Variants in CENPK observed in about 807,000 individuals in gnomAD.
The protein encoded by CENPK is centromere protein K, also known as SoxLZ/Sox6-binding protein Solt.
CENPK carries 46 observed loss-of-function variants against 40.9 expected under a neutral mutation model. The observed-to-expected ratio is 1.13, with a 90% CI of 0.89 to 1.44. The LOEUF is 1.44. Ranked by LOEUF, CENPK falls within the 40% of genes most tolerant of loss-of-function variation. The pLI, the probability that CENPK is intolerant of heterozygous loss-of-function variation, is 0.00. For missense variants in CENPK, 288 were observed against 303.5 expected (o/e 0.95, Z 0.38); for synonymous variants, 107 against 104.4 (o/e 1.02, Z -0.15).
intron 6 of CENPK, among the ~76,000 whole-genome samples, chr5:65,535,740 CAAGAG>C (rs1220639510): frequency 1.3e-5 from 2 of 152,156 alleles, no homozygotes; most frequent in African/African-American, 4.8e-5. Context: ...AAGCTGCAAC[CAAGAG>C]AACAGCAGTT....
the CENPK span, among the ~76,000 whole-genome samples, chr5:65,496,279 C>CAT: frequency 9.2e-6 from 1 of 108,330 alleles, no homozygotes; most frequent in Non-Finnish European, 2.1e-5. Flanking sequence ...AAACAAAACA[C>CAT]TTATACTCTT....
chr5:65,516,131 T>C (rs1029869866), downstream of CENPK, among the ~76,000 whole-genome samples: 23 of 152,306 alleles, frequency 1.5e-4, 1 homozygote, highest in Non-Finnish European at 1.0e-4. Flanking sequence ...GGGTTAGGGC[T>C]TCAACATATA....
intron 6 of CENPK, among the ~76,000 whole-genome samples, chr5:65,537,127 T>C (rs1425632408): frequency 6.6e-6 from 1 of 152,156 alleles, no homozygotes; most frequent in South Asian, 2.1e-4. Flanking sequence ...TTAAAAAAAG[T>C]TGGAACTTTG....
intron 5 of CENPK, 73 bp from the exon 6 acceptor site, chr5:65,542,921 G>C (rs1042606310): frequency 5.3e-6 from 7 of 1,324,792 alleles, no homozygotes; most frequent in Non-Finnish European, 6.3e-6. Flanking sequence ...TTAATTTTGC[G>C]GTTTTCTAAG....
intron 6 of CENPK, among the ~76,000 whole-genome samples, chr5:65,530,799 A>C (rs1361710734): frequency 1.3e-5 from 2 of 152,218 alleles, no homozygotes; most frequent in East Asian, 3.9e-4. Flanking sequence ...AGTCCCAGCT[A>C]CTTGGAAGGC....
intron 9 of CENPK, among the ~76,000 whole-genome samples, chr5:65,526,240 G>A (rs72762427): frequency 0.19 from 29,024 of 151,820 alleles, 3,413 homozygotes; most frequent in South Asian, 0.32. Context: ...GAGGAGACTG[G>A]GACCAGAAAA....
At chr5:65,498,322 G>GT in the CENPK span, among the ~76,000 whole-genome samples, 2 of 151,922 alleles carry the variant, frequency 1.3e-5, no homozygotes, top group Admixed American at 6.6e-5. Flanking sequence ...CTTTATATAT[G>GT]TTTTTTGTAC....
intron 9 of CENPK, among the ~76,000 whole-genome samples, chr5:65,522,333 A>T (rs1444234088): frequency 6.6e-6 from 1 of 152,188 alleles, no homozygotes; most frequent in African/African-American, 2.4e-5. Context: ...TTCCAATTCT[A>T]CCCAAGAGTT....
chr5:65,541,410 G>A (rs998605859), intron 6 of CENPK: 3 of 456,164 alleles, frequency 6.6e-6, no homozygotes, highest in African/African-American at 6.0e-5. Flanking sequence ...CAACTGGTTT[G>A]TAGGAGAGAA....
At chr5:65,500,844 G>C in the CENPK span, among the ~76,000 whole-genome samples, 2 of 151,472 alleles carry the variant, frequency 1.3e-5, no homozygotes, top group Non-Finnish European at 2.9e-5. Context: ...TGTATTTTTT[G>C]TATTTTCAGT....
chr5:65,533,641 T>C (rs1434863169), intron 6 of CENPK, among the ~76,000 whole-genome samples: 1 of 152,138 alleles, frequency 6.6e-6, no homozygotes, highest in Non-Finnish European at 1.5e-5. Flanking sequence ...TAAAACTGTG[T>C]TTGATCTCAG....
chr5:65,542,874 T>C (rs1561665574), intron 5 of CENPK, 26 bp from the exon 6 acceptor site: 1 of 1,583,566 alleles, frequency 6.3e-7, no homozygotes, highest in Non-Finnish European at 8.6e-7. Context: ...AAAACAAAGT[T>C]ACACATATAT....
the CENPK span, among the ~76,000 whole-genome samples, chr5:65,497,398 C>G: frequency 6.6e-6 from 1 of 151,916 alleles, no homozygotes; most frequent in Admixed American, 6.6e-5. Context: ...TAGTTCCTCA[C>G]GGGCTGTTAG....
At chr5:65,548,418 G>C (rs1364989812) in intron 5 of CENPK, among the ~76,000 whole-genome samples, 1 of 152,140 alleles carries the variant, frequency 6.6e-6, no homozygotes, top group Non-Finnish European at 1.5e-5. Flanking sequence ...GTTAATGGCT[G>C]ATGACTGATC....
At chr5:65,505,703 C>T in the CENPK span, among the ~76,000 whole-genome samples, 1 of 152,218 alleles carries the variant, frequency 6.6e-6, no homozygotes, top group Non-Finnish European at 1.5e-5. Context: ...GCTTTTTTAT[C>T]CTGCACAGCA....
At chr5:65,506,919 G>A in the CENPK span, among the ~76,000 whole-genome samples, 1 of 151,994 alleles carries the variant, frequency 6.6e-6, no homozygotes, top group South Asian at 2.1e-4. Context: ...TCATGATTTT[G>A]TTAGGTGTTG....
At chr5:65,551,709 C>G in intron 4 of CENPK, 73 bp from the exon 5 acceptor site, 1 of 870,944 alleles carries the variant, frequency 1.1e-6, no homozygotes, top group Non-Finnish European at 1.8e-6. Flanking sequence ...TATAAACATT[C>G]TTAATATTTT....
chr5:65,542,233 T>A (rs2150449138), intron 6 of CENPK, among the ~76,000 whole-genome samples: 1 of 152,346 alleles, frequency 6.6e-6, no homozygotes, highest in East Asian at 1.9e-4. Flanking sequence ...TTAAGCGATG[T>A]TTAATATTTT....
intron 5 of CENPK, among the ~76,000 whole-genome samples, chr5:65,547,390 C>CAA (rs70983677): frequency 0.44 from 48,119 of 108,786 alleles, 9,082 homozygotes; most frequent in East Asian, 0.67. Context: ...AAGACTGTCT[C>CAA]AAAAAAAAAA....
Sources: gnomAD v4.1 joint callset for allele counts (sites outside exome capture counted in the v4.1 genomes callset) on GRCh38, gnomAD v4.1.1 for gene constraint, MANE v1.5 for transcripts, NCBI Gene and HGNC (gene_info 2026-07-23, HGNC 2026-07-21) for gene names.